The following CNKSR2 variants were observed in gnomAD, a reference collection of about 807,000 sequenced individuals.
CNKSR2 encodes CNK homolog protein 2.
In CNKSR2, 14 loss-of-function variants were observed where a neutral mutation model predicts 84.4. The observed-to-expected ratio is 0.17, with a 90% CI of 0.11 to 0.26. The LOEUF (loss-of-function observed/expected upper bound fraction) is 0.26, where lower values mean the gene tolerates loss of function less well. Among genes scored for constraint, CNKSR2 ranks in the 10% least tolerant of loss-of-function variants. The probability of loss-of-function intolerance (pLI) is 1.00; values close to 1 mark genes in which losing one functional copy is unlikely to be tolerated. For synonymous variants in CNKSR2, 275 were observed against 277.9 expected (o/e 0.99, Z 0.10); for missense variants, 485 against 771.2 (o/e 0.63, Z 4.40).
intron 20 of CNKSR2, among the ~76,000 whole-genome samples, chrX:21,640,109 A>G (rs1190422225): frequency 2.7e-5 from 3 of 111,827 alleles, no homozygotes; most frequent in Non-Finnish European, 5.6e-5. Flanking sequence ...GAATTCGGCA[A>G]TTGTGACTCG....
intron 20 of CNKSR2, among the ~76,000 whole-genome samples, chrX:21,625,192 G>T (rs758736931): frequency 8.9e-6 from 1 of 112,189 alleles, no homozygotes; most frequent in African/African-American, 3.2e-5. Context: ...GGTAAAATTT[G>T]GTGACTCTTT....
At position 21,609,288 on chromosome X, in the gene CNKSR2, C is replaced by A; in HGVS notation, c.2363C>A (p.Pro788His). Residue 788 changes from proline (P) to histidine (H), a missense_variant, in exon 20 of 22, where the codon CCC becomes CAC. Physicochemically the swap from Pro to His is moderately conservative, Grantham distance 77. Coordinates refer to ENST00000379510, the MANE Select transcript of CNKSR2 (RefSeq NM_014927.5). ...GGCTTACACTATCTTCAGACTCTGCCCCTGGAGGATTCTGTCTTCTCTGAC... is the reference window on the plus strand; with the variant it reads ...GGCTTACACTATCTTCAGACTCTGCACCTGGAGGATTCTGTCTTCTCTGAC... ...SSGLHYLQTL[P>H]LEDSVFSDSA... The A allele has an allele frequency of 8.3e-7, 1 of 1,211,563 alleles. No homozygotes were observed. The highest frequency in any genetic ancestry group is 1.1e-6 in the Non-Finnish European group (1 of 895,455).
Position 21,484,916 on chromosome X carries a change from G to T in CNKSR2, c.562-5543G>T, listed in dbSNP as rs893736430. ...AAACAATAGCTGGCCAGGCGTGGTG[G>T]CTCACGCCTGTAATCTTAGCACTTT... On this transcript the variant is annotated intron_variant, in intron 5 of 21. Coordinates refer to ENST00000379510, the MANE Select transcript of CNKSR2 (RefSeq NM_014927.5). Among the ~76,000 whole-genome samples, 26 of 111,715 alleles carry T rather than the reference G, an allele frequency of 2.3e-4. No individual in the cohort carries two copies. In the Admixed American group the frequency reaches 2.5e-3, roughly 11 times the overall value.
chrX:21,479,967 C>T (rs1484499795), intron 5 of CNKSR2, among the ~76,000 whole-genome samples: 1 of 110,925 alleles, frequency 9.0e-6, no homozygotes, highest in Non-Finnish European at 1.9e-5. Flanking sequence ...CTACCGATAT[C>T]CCCACACACA....
intron 1 of CNKSR2, 158 bp from the exon 2 acceptor site, chrX:21,426,339 T>C (rs1043839957): frequency 6.3e-5 from 28 of 446,961 alleles, no homozygotes; most frequent in Non-Finnish European, 1.1e-4. Flanking sequence ...CTGTAGCCCA[T>C]ATGTAGGTTA....
chrX:21,557,959 A>C (rs1237101868), intron 11 of CNKSR2, among the ~76,000 whole-genome samples: 1 of 111,601 alleles, frequency 9.0e-6, no homozygotes, highest in Admixed American at 9.5e-5. Flanking sequence ...TGAGTATAAA[A>C]ATACTTTGCA....
In CNKSR2 at chrX:21,563,231, T is replaced by A; in HGVS notation, c.1394-7T>A. Reference sequence around the variant, plus strand: ...TTATATTGGTGTATTTATCTCTTTTTATATAGAAAACTCTCTACTTCGGTA... The same window carrying A: ...TTATATTGGTGTATTTATCTCTTTTAATATAGAAAACTCTCTACTTCGGTA... On this transcript the variant is annotated splice_polypyrimidine_tract_variant and splice_region_variant and intron_variant, in intron 12 of 21. Transcript: ENST00000379510. The A allele has an allele frequency of 8.5e-7, 1 of 1,175,477 alleles. No individual in the cohort carries two copies. Among genetic ancestry groups the A allele is most frequent in the South Asian group, 1.9e-5 (1 of 53,078 alleles).
intron 20 of CNKSR2, 41 bp from the exon 21 acceptor site, chrX:21,648,790 C>CTTTTTTTTT (rs760690886): frequency 1.2e-5 from 8 of 660,484 alleles, no homozygotes; most frequent in East Asian, 8.3e-5. Flanking sequence ...CTCTCTCTCT[C>CTTTTTTTTT]TTTCTTTTTT....
chrX:21,478,734 T>G (rs1414232722), intron 5 of CNKSR2, among the ~76,000 whole-genome samples: 1 of 111,386 alleles, frequency 9.0e-6, no homozygotes, highest in African/African-American at 3.3e-5. Flanking sequence ...AGAAGCTAAG[T>G]TAGCCTTTCT....
At chrX:21,577,203 A>T (rs928848804) in intron 13 of CNKSR2, among the ~76,000 whole-genome samples, 11 of 111,552 alleles carry the variant, frequency 9.9e-5, no homozygotes, top group African/African-American at 3.3e-4. Context: ...TGCTCCCTGT[A>T]TAAAACAGAT....
chrX:21,411,250 T>G (rs1033574331), intron 1 of CNKSR2, among the ~76,000 whole-genome samples: 2 of 111,445 alleles, frequency 1.8e-5, no homozygotes, highest in Non-Finnish European at 3.8e-5. Flanking sequence ...TTCTAAATAA[T>G]GTATGAAATA....
At chrX:21,422,678 T>G (rs942188542) in intron 1 of CNKSR2, among the ~76,000 whole-genome samples, 3 of 112,275 alleles carry the variant, frequency 2.7e-5, no homozygotes, top group African/African-American at 9.7e-5. Flanking sequence ...ATTGAAGGTG[T>G]TGTTTATTAC....
Position 21,551,468 on chromosome X carries a change from A to T in CNKSR2, c.1304-10003A>T, listed in dbSNP as rs757415654. Among the ~76,000 whole-genome samples, 6 of 112,409 alleles carry T rather than the reference A, an allele frequency of 5.3e-5. 1 individual carries two copies. The highest frequency in any genetic ancestry group is 1.9e-4 in the African/African-American group (6 of 30,954). ...CCAAATCAACATAGCTGATGCAACT[A>T]TGAGGGGGGAAAAAAACCTCTTCAG... On this transcript the variant is annotated intron_variant, in intron 11 of 21. Transcript: ENST00000379510.
At chrX:21,648,776 C>G in intron 20 of CNKSR2, 55 bp from the exon 21 acceptor site, 1 of 841,303 alleles carries the variant, frequency 1.2e-6, no homozygotes, top group Non-Finnish European at 1.6e-6. Context: ...CTCTTTCTCT[C>G]TCTCTCTCTC....
At chrX:21,602,506 C>T (rs889430560) in intron 18 of CNKSR2, among the ~76,000 whole-genome samples, 20 of 111,617 alleles carry the variant, frequency 1.8e-4, no homozygotes, top group African/African-American at 6.5e-4. Context: ...TTTTAAAGAT[C>T]TAAAGAAGAC....
chrX:21,384,876 T>C (rs766658526), intron 1 of CNKSR2, among the ~76,000 whole-genome samples: 2 of 111,973 alleles, frequency 1.8e-5, no homozygotes, highest in Admixed American at 1.9e-4. Flanking sequence ...CACATTATAT[T>C]ATTGCTAGTA....
chrX:21,408,817 A>G (rs1295191168), intron 1 of CNKSR2, among the ~76,000 whole-genome samples: 6 of 110,564 alleles, frequency 5.4e-5, no homozygotes, highest in Admixed American at 2.9e-4. Context: ...TTGTCCTCTT[A>G]TAGACTCCTA....
Position 21,572,836 on chromosome X carries a change from C to G in CNKSR2, c.1608+9384C>G, listed in dbSNP as rs2092293296. On this transcript the variant is annotated intron_variant, in intron 13 of 21. Coordinates refer to ENST00000379510, the MANE Select transcript of CNKSR2 (RefSeq NM_014927.5). ...CAAACCATATCATTACGCCCTTAGC[C>G]CCTCCCAAATTTCATGTCCTCACAT... Among the ~76,000 whole-genome samples, 6 of 111,082 alleles carry G rather than the reference C, an allele frequency of 5.4e-5. No homozygotes were observed. The South Asian group carries it at 2.3e-3, about 43-fold the overall frequency.
At chrX:21,625,747 G>A (rs1279049434) in intron 20 of CNKSR2, among the ~76,000 whole-genome samples, 1 of 111,819 alleles carries the variant, frequency 8.9e-6, no homozygotes, top group Non-Finnish European at 1.9e-5. Flanking sequence ...ATCTTCCTAA[G>A]ATTTCCCCCT....
Sources: allele counts gnomAD v4.1 joint callset (sites outside exome capture counted in the v4.1 genomes callset), GRCh38; gene constraint gnomAD v4.1.1; transcripts MANE v1.5; gene names NCBI Gene and HGNC (gene_info 2026-07-23, HGNC 2026-07-21).